Variants in PTGER3 observed in about 807,000 individuals in gnomAD.
The protein encoded by PTGER3 is prostaglandin E2 receptor EP3 subtype.
A neutral mutation model predicts 34.7 loss-of-function variants in PTGER3; 22 were observed. That is an observed-to-expected ratio of 0.63 (90% confidence interval 0.45 to 0.91). The LOEUF (loss-of-function observed/expected upper bound fraction) is 0.91. Ranked by LOEUF, PTGER3 falls within the 40% of genes least tolerant of loss-of-function variation. The probability of loss-of-function intolerance (pLI) is 0.00; values close to 1 mark genes in which losing one functional copy is unlikely to be tolerated. For missense variants in PTGER3, 468 were observed against 519.4 expected (o/e 0.90, Z 0.96); for synonymous variants, 241 against 230.1 (o/e 1.05, Z -0.43).
chr1:71,000,966 T>A (rs1656419766), intron 2 of PTGER3, among the ~76,000 whole-genome samples: 1 of 152,090 alleles, frequency 6.6e-6, no homozygotes, highest in Non-Finnish European at 1.5e-5. Flanking sequence ...CAGCATATAA[T>A]GTCTATAAAG....
chr1:70,863,900 G>T (rs1001108666), intron 4 of PTGER3, among the ~76,000 whole-genome samples: 11 of 152,064 alleles, frequency 7.2e-5, no homozygotes, highest in African/African-American at 2.4e-4. Context: ...ATTATATTGG[G>T]ACATGAAAAA....
intron 4 of PTGER3, among the ~76,000 whole-genome samples, chr1:70,910,670 T>C (rs541308497): frequency 9.2e-5 from 14 of 152,232 alleles, no homozygotes; most frequent in African/African-American, 3.4e-4. Flanking sequence ...TAAAAAATTA[T>C]CTCAACCATC....
chr1:70,978,369 T>C (rs766486022), intron 2 of PTGER3, among the ~76,000 whole-genome samples: 19 of 152,180 alleles, frequency 1.2e-4, no homozygotes, highest in Non-Finnish European at 4.4e-5. Context: ...ATGAACACAT[T>C]ATTCTAATAA....
At chr1:70,939,371 G>A (rs868054374) in intron 4 of PTGER3, among the ~76,000 whole-genome samples, 1 of 152,218 alleles carries the variant, frequency 6.6e-6, no homozygotes, top group Non-Finnish European at 1.5e-5. Context: ...CATGGTGCAA[G>A]CTGTCAGTGG....
At chr1:70,937,579 A>G (rs887136868) in intron 4 of PTGER3, among the ~76,000 whole-genome samples, 1 of 152,166 alleles carries the variant, frequency 6.6e-6, no homozygotes, top group Non-Finnish European at 1.5e-5. Flanking sequence ...GAGAATTTGG[A>G]ATTTGGATGT....
intron 4 of PTGER3, among the ~76,000 whole-genome samples, chr1:70,861,898 A>C (rs1645935881): frequency 6.6e-6 from 1 of 151,946 alleles, no homozygotes; most frequent in South Asian, 2.1e-4. Context: ...CTATTTCATA[A>C]TAGCTTACTG....
intron 4 of PTGER3, among the ~76,000 whole-genome samples, chr1:70,894,886 A>T (rs1187721614): frequency 6.6e-6 from 1 of 152,114 alleles, no homozygotes; most frequent in Non-Finnish European, 1.5e-5. Flanking sequence ...GGGTTAAACC[A>T]CCTATATCTG....
intron 4 of PTGER3, among the ~76,000 whole-genome samples, chr1:70,867,548 C>T (rs2100520067): frequency 6.6e-6 from 1 of 152,086 alleles, no homozygotes; most frequent in Middle Eastern, 3.4e-3. Context: ...TGGTGAAGCC[C>T]CATCTCTACT....
Position 71,012,305 on chromosome 1 carries a change from C to T in PTGER3, c.1077G>A (p.Gln359=). 6.2e-7 allele frequency: 1 copy of T among 1,614,126 alleles called. No homozygotes were observed. Among genetic ancestry groups the T allele is most frequent in the South Asian group, 1.1e-5 (1 of 91,072 alleles). Residue 359 remains glutamine, a splice_region_variant and synonymous_variant, in exon 2 of 4, where the codon CAG becomes CAA. Coordinates refer to ENST00000306666, the MANE Select transcript of PTGER3 (RefSeq NM_198719.2). ...LRKILLRKFC[Q]IRYHTNNYAS... ...AGCAGCTGGAGACAGCATTTGCTAC[C>T]TGGCAAAACTTTCGAAGAAGGATCT...
At chr1:70,995,550 T>C (rs972596730) in intron 2 of PTGER3, among the ~76,000 whole-genome samples, 3 of 152,214 alleles carry the variant, frequency 2.0e-5, no homozygotes, top group Admixed American at 6.5e-5. Context: ...GTCCAAATAC[T>C]ACACCTAGTC....
At chr1:70,883,203 G>T (rs994764643) in intron 4 of PTGER3, among the ~76,000 whole-genome samples, 2 of 152,066 alleles carry the variant, frequency 1.3e-5, no homozygotes, top group African/African-American at 4.8e-5. Flanking sequence ...ATGTTCCTGA[G>T]GGCAGTTTTT....
intron 4 of PTGER3, among the ~76,000 whole-genome samples, chr1:70,879,979 G>A (rs1304276888): frequency 6.6e-6 from 1 of 152,010 alleles, no homozygotes; most frequent in African/African-American, 2.4e-5. Flanking sequence ...TGCAGTCCCA[G>A]CTACTTGGGA....
In PTGER3 at chr1:70,971,005, A is replaced by G. The variant is rs1053458223; in HGVS notation, c.*725T>C. On this transcript the variant is annotated 3_prime_UTR_variant, in exon 4 of 4. Coordinates refer to ENST00000306666, the MANE Select transcript of PTGER3 (RefSeq NM_198719.2). ...CTCTAACTGCGCAGCTAATCATTCA[A>G]CCTCAAATTTGTTTTTTATGACACT... is the stretch of plus-strand genomic sequence containing the variant. 3 of 985,142 alleles carry G rather than the reference A, an allele frequency of 3.0e-6. No homozygotes were observed. The highest frequency in any genetic ancestry group is 3.5e-5 in the African/African-American group (2 of 57,156). The allele number at this position is 985,142 out of a possible 1,614,324, so 61.0% of individuals were successfully genotyped here.
intron 1 of PTGER3, among the ~76,000 whole-genome samples, chr1:71,023,126 C>T (rs1462340997): frequency 1.3e-5 from 2 of 151,794 alleles, no homozygotes; most frequent in African/African-American, 4.9e-5. Context: ...CCCTCCTTAC[C>T]TTTAAACTTA....
intron 2 of PTGER3, among the ~76,000 whole-genome samples, chr1:71,000,553 T>C (rs1656381324): frequency 6.6e-6 from 1 of 151,972 alleles, no homozygotes. Flanking sequence ...TCAAAATGAG[T>C]GAATAATTCA....
chr1:70,929,786 T>C (rs496216), intron 4 of PTGER3, among the ~76,000 whole-genome samples: 140,681 of 152,286 alleles, frequency 0.92, 65,120 homozygotes, highest in East Asian at 1. Context: ...AAAGTATTTG[T>C]AGGGAAACCT....
At chr1:70,991,466 A>G (rs1037808513) in intron 2 of PTGER3, among the ~76,000 whole-genome samples, 2 of 152,064 alleles carry the variant, frequency 1.3e-5, no homozygotes, top group Non-Finnish European at 2.9e-5. Context: ...GGGTATAGAG[A>G]ATATATGTGG....
intron 2 of PTGER3, among the ~76,000 whole-genome samples, chr1:70,976,341 T>A (rs1653698263): frequency 6.6e-6 from 1 of 152,104 alleles, no homozygotes; most frequent in South Asian, 2.1e-4. Flanking sequence ...CTATGGACTT[T>A]GGGTAATAAT....
chr1:71,006,050 C>G (rs1656927605), intron 2 of PTGER3: 1 of 657,434 alleles, frequency 1.5e-6, no homozygotes, highest in Admixed American at 6.3e-5. Context: ...CTATTTGTAA[C>G]TGTATATTAG....
Sources: gnomAD v4.1 joint callset for allele counts (sites outside exome capture counted in the v4.1 genomes callset) on GRCh38, gnomAD v4.1.1 for gene constraint, MANE v1.5 for transcripts, NCBI Gene and HGNC (gene_info 2026-07-23, HGNC 2026-07-21) for gene names.